VPS13B: variants seen among roughly 807,000 people sequenced by gnomAD.
The protein encoded by VPS13B is intermembrane lipid transfer protein VPS13B.
A neutral mutation model predicts 426.4 loss-of-function variants in VPS13B; 285 were observed. The observed-to-expected ratio is 0.67, with a 90% confidence interval of 0.61 to 0.74. VPS13B has a LOEUF of 0.74. Among genes scored for constraint, VPS13B ranks in the 30% least tolerant of loss-of-function variants. The pLI, the probability that VPS13B is intolerant of heterozygous loss-of-function variation, is 0.00. For missense variants in VPS13B, 4,537 were observed against 4,782.6 expected, an observed-to-expected ratio of 0.95 and a Z score of 1.51; for synonymous variants, 1,676 against 1,676.4, an observed-to-expected ratio of 1.00 and a Z score of 0.01.
intron 36 of VPS13B, among the ~76,000 whole-genome samples, chr8:99,714,591 T>TATGA (rs1396579068): frequency 6.6e-6 from 1 of 152,204 alleles, no homozygotes. Flanking sequence ...CAGACACCAC[T>TATGA]TTAGCCATAT....
At chr8:99,742,946 A>G (rs992741223) in intron 39 of VPS13B, among the ~76,000 whole-genome samples, 15 of 152,178 alleles carry the variant, frequency 9.9e-5, no homozygotes, top group African/African-American at 3.6e-4. Flanking sequence ...CACCACTCCT[A>G]TTCAACATAA....
intron 49 of VPS13B, 130 bp from the exon 50 acceptor site, chr8:99,821,164 A>C (rs1282177629): frequency 2.5e-5 from 14 of 552,352 alleles, no homozygotes; most frequent in South Asian, 1.8e-4. Context: ...ACACACACAC[A>C]CACCATGGAG....
chr8:99,191,295 G>A (rs1813562563), intron 16 of VPS13B, among the ~76,000 whole-genome samples: 1 of 150,204 alleles, frequency 6.7e-6, no homozygotes, highest in Non-Finnish European at 1.5e-5. Flanking sequence ...TGGATATTTG[G>A]GTTTATAGTT....
At chr8:99,504,318 G>A (rs562100486) in intron 27 of VPS13B, among the ~76,000 whole-genome samples, 1 of 152,266 alleles carries the variant, frequency 6.6e-6, no homozygotes, top group Non-Finnish European at 1.5e-5. Context: ...AGAACCACGA[G>A]CCAAATAAAC....
intron 33 of VPS13B, among the ~76,000 whole-genome samples, chr8:99,579,980 G>C (rs897782696): frequency 6.6e-6 from 1 of 152,128 alleles, no homozygotes; most frequent in Non-Finnish European, 1.5e-5. Context: ...TTACAGGCGT[G>C]AGCTACTGTG....
At chr8:99,764,881 A>G (rs748108189) in intron 39 of VPS13B, among the ~76,000 whole-genome samples, 5 of 152,184 alleles carry the variant, frequency 3.3e-5, no homozygotes, top group Admixed American at 6.5e-5. Flanking sequence ...ATACATATAT[A>G]TGTGTGCACA....
intron 19 of VPS13B, among the ~76,000 whole-genome samples, chr8:99,304,339 A>T (rs1424729294): frequency 6.6e-6 from 1 of 152,180 alleles, no homozygotes; most frequent in East Asian, 1.9e-4. Context: ...AGGGATTAGG[A>T]AAGAAAATTT....
At chr8:99,568,497 G>A (rs1825306162) in intron 31 of VPS13B, among the ~76,000 whole-genome samples, 1 of 151,706 alleles carries the variant, frequency 6.6e-6, no homozygotes, top group Non-Finnish European at 1.5e-5. Flanking sequence ...TACCATGTTG[G>A]CCAGACTGAT....
At position 99,739,583 on chromosome 8, in the gene VPS13B, G is replaced by C. The variant is rs556623819; in HGVS notation, c.7050+18536G>C. On this transcript the variant is annotated intron_variant, in intron 39 of 61. Transcript: ENST00000357162. Reference sequence around the variant, plus strand: ...CTGGGAGGCACCCCCAAGTGGGGCAGACTGACACCTCACACGGCCAGGTAC... The same window carrying C: ...CTGGGAGGCACCCCCAAGTGGGGCACACTGACACCTCACACGGCCAGGTAC... Among the ~76,000 whole-genome samples, 34 of 152,344 alleles carry C rather than the reference G, an allele frequency of 2.2e-4. No individual in the cohort carries two copies. In the South Asian group the frequency reaches 6.6e-3, roughly 30 times the overall value.
At chr8:99,212,177 G>A (rs1039357136) in intron 17 of VPS13B, among the ~76,000 whole-genome samples, 4 of 152,210 alleles carry the variant, frequency 2.6e-5, no homozygotes, top group African/African-American at 4.8e-5. Context: ...ACAGGCATGA[G>A]CCACCGCACC....
intron 17 of VPS13B, among the ~76,000 whole-genome samples, chr8:99,228,628 G>GT (rs11287992): frequency 5.3e-5 from 8 of 150,826 alleles, no homozygotes; most frequent in African/African-American, 7.3e-5. Context: ...TAGTTTTAAA[G>GT]TTTTTTTTTT....
At chr8:99,589,600 T>G (rs776231684) in intron 33 of VPS13B, among the ~76,000 whole-genome samples, 3 of 151,884 alleles carry the variant, frequency 2.0e-5, no homozygotes, top group Non-Finnish European at 4.4e-5. Flanking sequence ...TAATCCAGTC[T>G]ATCGTTTTTG....
intron 17 of VPS13B, among the ~76,000 whole-genome samples, chr8:99,239,584 A>G (rs564543239): frequency 1.4e-4 from 21 of 152,206 alleles, no homozygotes; most frequent in South Asian, 1.0e-3. Context: ...TCAGCATTTA[A>G]CTTTTTTCTA....
chr8:99,118,344 C>T (rs560606127), intron 7 of VPS13B, among the ~76,000 whole-genome samples: 1 of 152,272 alleles, frequency 6.6e-6, no homozygotes, highest in African/African-American at 2.4e-5. Context: ...ACACTTCACC[C>T]CTAACCCTCA....
chr8:99,360,590 A>G (rs1452661134), intron 19 of VPS13B, among the ~76,000 whole-genome samples: 2 of 151,986 alleles, frequency 1.3e-5, no homozygotes, highest in African/African-American at 4.8e-5. Flanking sequence ...TCTTTTGAAA[A>G]CATTTTGTTA....
chr8:99,624,965 G>A (rs754867602), intron 33 of VPS13B, among the ~76,000 whole-genome samples: 10 of 151,906 alleles, frequency 6.6e-5, no homozygotes, highest in African/African-American at 1.2e-4. Flanking sequence ...TTACAAGCAT[G>A]CGCCACCATG....
intron 25 of VPS13B, among the ~76,000 whole-genome samples, chr8:99,500,274 A>G (rs930161581): frequency 1.3e-5 from 2 of 152,160 alleles, no homozygotes; most frequent in African/African-American, 4.8e-5. Context: ...ATTCAAAGCA[A>G]TAAACTATTG....
intron 31 of VPS13B, among the ~76,000 whole-genome samples, chr8:99,564,462 T>C (rs1825091233): frequency 6.6e-6 from 1 of 152,106 alleles, no homozygotes; most frequent in Non-Finnish European, 1.5e-5. Flanking sequence ...TGATAGACAT[T>C]AATGGGAGGC....
intron 21 of VPS13B, among the ~76,000 whole-genome samples, chr8:99,393,086 T>A (rs964858666): frequency 3.3e-5 from 5 of 151,654 alleles, no homozygotes; most frequent in African/African-American, 9.7e-5. Context: ...GAAAAAAAAA[T>A]GGTAAGAATT....
Sources: allele counts gnomAD v4.1 joint callset (sites outside exome capture counted in the v4.1 genomes callset), GRCh38; gene constraint gnomAD v4.1.1; transcripts MANE v1.5; gene names NCBI Gene and HGNC (gene_info 2026-07-23, HGNC 2026-07-21).